The following KRAS variants were observed in gnomAD, a reference collection of about 807,000 sequenced individuals.
KRAS encodes the protein KRas proto-oncogene, GTPase, also known as GTPase KRas.
KRAS carries 1 observed loss-of-function variant against 21.0 expected under a neutral mutation model. That is an observed-to-expected ratio of 0.05 (90% CI 0.02 to 0.23). KRAS has a LOEUF of 0.23. KRAS is among the 10% of genes least tolerant of loss of function. The pLI is 1.00. For missense variants in KRAS, 107 were observed against 221.8 expected (o/e 0.48, Z 3.29); for synonymous variants, 67 against 72.5 (o/e 0.92, Z 0.39).
chr12:25,243,002 T>A (rs1056526829), intron 2 of KRAS, among the ~76,000 whole-genome samples: 1 of 152,148 alleles, frequency 6.6e-6, no homozygotes, highest in Non-Finnish European at 1.5e-5. Context: ...TTTTAAAAAA[T>A]TTATTTCCAT....
In KRAS at chr12:25,223,434, T is replaced by C. The variant is rs554257893; in HGVS notation, c.450+2180A>G. 1.7e-4 allele frequency among the ~76,000 whole-genome samples: 26 copies of C among 152,318 alleles called. No individual in the cohort carries two copies. In the East Asian group the frequency reaches 4.0e-3, roughly 24 times the overall value. On this transcript the variant is annotated intron_variant, in intron 4 of 4. Transcript: ENST00000311936. ...GAAAAACAAAAACCAAGCCTCTTCC[T>C]GGTCTTTGGAACCTGGAAATGGATT...
At chr12:25,227,855 C>T (rs1467645087) in intron 2 of KRAS, among the ~76,000 whole-genome samples, 2 of 151,962 alleles carry the variant, frequency 1.3e-5, no homozygotes, top group African/African-American at 4.8e-5. Context: ...AGGTATATAA[C>T]CAAAATAACT....
At chr12:25,245,504 A>G (rs1025570055) in intron 1 of KRAS, 109 bp from the exon 2 acceptor site, 18 of 1,112,600 alleles carry the variant, frequency 1.6e-5, no homozygotes, top group South Asian at 4.3e-5. Flanking sequence ...TCACCTTTAT[A>G]TGAAAAATTA....
At chr12:25,232,133 T>C (rs528676346) in intron 2 of KRAS, among the ~76,000 whole-genome samples, 2 of 152,306 alleles carry the variant, frequency 1.3e-5, no homozygotes, top group South Asian at 4.1e-4. Flanking sequence ...AAACGCATGT[T>C]GTTCAAGGGT....
chr12:25,231,155 G>A (rs1395965670), intron 2 of KRAS, among the ~76,000 whole-genome samples: 1 of 138,488 alleles, frequency 7.2e-6, no homozygotes, highest in East Asian at 2.2e-4. Flanking sequence ...AGGCTGGAGG[G>A]CAGTGACACG....
At chr12:25,223,144 AT>A (rs1164013492) in intron 4 of KRAS, among the ~76,000 whole-genome samples, 4 of 152,084 alleles carry the variant, frequency 2.6e-5, no homozygotes, top group Non-Finnish European at 2.9e-5. Flanking sequence ...AGTCTCTTAA[AT>A]TTTTTCTTTT....
At chr12:25,247,085 T>C (rs1951693815) in intron 1 of KRAS, among the ~76,000 whole-genome samples, 1 of 152,202 alleles carries the variant, frequency 6.6e-6, no homozygotes, top group Non-Finnish European at 1.5e-5. Context: ...GTTTCAAATT[T>C]TTTGAAATAA....
intron 4 of KRAS, among the ~76,000 whole-genome samples, chr12:25,212,035 T>C (rs1951204914): frequency 6.6e-6 from 1 of 152,214 alleles, no homozygotes; most frequent in African/African-American, 2.4e-5. Context: ...CTAAACTCTT[T>C]AACACATATA....
At chr12:25,222,178 T>C (rs1212607961) in intron 4 of KRAS, among the ~76,000 whole-genome samples, 1 of 146,200 alleles carries the variant, frequency 6.8e-6, no homozygotes, top group Non-Finnish European at 1.5e-5. Flanking sequence ...GAAAGAAAAA[T>C]AAATAAATAA....
intron 4 of KRAS, among the ~76,000 whole-genome samples, chr12:25,223,485 G>C (rs1346020690): frequency 6.6e-6 from 1 of 152,136 alleles, no homozygotes; most frequent in Non-Finnish European, 1.5e-5. Flanking sequence ...TTCCTCTAAA[G>C]TAAAGTGATA....
At chr12:25,223,166 T>G (rs1010494252) in intron 4 of KRAS, among the ~76,000 whole-genome samples, 18 of 152,172 alleles carry the variant, frequency 1.2e-4, no homozygotes, top group Non-Finnish European at 2.1e-4. Flanking sequence ...CTTTGTGAAA[T>G]GTAAGCTAAA....
rs1951153153 is a variant in KRAS at position 25,207,635 on chromosome 12, G to A, written c.*2160C>T. 4.3e-6 allele frequency: 1 copy of A among 231,664 alleles called. No individual in the cohort carries two copies. Among genetic ancestry groups the A allele is most frequent in the Non-Finnish European group, 8.5e-6 (1 of 117,100 alleles). 14.4% of individuals were successfully genotyped at this position (231,664 alleles called of 1,614,324 possible). On this transcript the variant is annotated 3_prime_UTR_variant, in exon 5 of 5. Transcript: ENST00000311936. ...GTAGTCCTAGTTATAGATTACCTAAGGAATTCTTTCAGCACTATCTTTATT... is the reference window on the plus strand; with the variant it reads ...GTAGTCCTAGTTATAGATTACCTAAAGAATTCTTTCAGCACTATCTTTATT...
chr12:25,226,071 A>G (rs1310305790), intron 3 of KRAS, among the ~76,000 whole-genome samples: 2 of 152,168 alleles, frequency 1.3e-5, no homozygotes, highest in Non-Finnish European at 2.9e-5. Flanking sequence ...AAAATTCTAG[A>G]CCCAAAGTGC....
At position 25,209,834 on chromosome 12, in the gene KRAS, CTTT is replaced by C. The variant is rs1242115503; in HGVS notation, c.525_527del (p.Lys180del). 4 of 1,609,998 alleles carry C rather than the reference CTTT, an allele frequency of 2.5e-6. No homozygotes were observed. Among genetic ancestry groups the C allele is most frequent in the African/African-American group, 1.3e-5 (1 of 74,766 alleles). ...ACTTTGTCTTTGACTTCTTTTTCTT[CTTT>C]TTACCATCTTTGCTCATCTTTTCTT... On this transcript the variant is annotated inframe_deletion, in exon 5 of 5. Transcript: ENST00000311936.
chr12:25,229,256 G>A lies in KRAS; in HGVS notation c.112-1844C>T, dbSNP rs368128031. Among the ~76,000 whole-genome samples, 8 of 152,256 alleles carry A rather than the reference G, an allele frequency of 5.3e-5. No individual in the cohort carries two copies. In the East Asian group the frequency reaches 1.2e-3, roughly 22 times the overall value. On this transcript the variant is annotated intron_variant, in intron 2 of 4. Coordinates refer to ENST00000311936, the MANE Select transcript of KRAS (RefSeq NM_004985.5). Reference sequence around the variant, plus strand: ...TAGCTCTACCAACTCTATTATTCAAGATGATTTAAATGACAAGAAAAATCA... The same window carrying A: ...TAGCTCTACCAACTCTATTATTCAAAATGATTTAAATGACAAGAAAAATCA...
chr12:25,227,219 T>G lies in KRAS; in HGVS notation c.290+15A>C, dbSNP rs752534661. On this transcript the variant is annotated intron_variant, in intron 3 of 4. Transcript: ENST00000311936. ...ACTCCTTAATGTCAGCTTATTATAT[T>G]CAATTTAAACCCACCTATAATGGTG... The G allele has an allele frequency of 6.3e-7, 1 of 1,588,666 alleles. No individual in the cohort carries two copies. The highest frequency in any genetic ancestry group is 8.6e-7 in the Non-Finnish European group (1 of 1,157,456).
chr12:25,220,641 C>A (rs745385073), intron 4 of KRAS, among the ~76,000 whole-genome samples: 34 of 151,324 alleles, frequency 2.2e-4, no homozygotes, highest in Non-Finnish European at 2.4e-4. Context: ...GCAGGAAAAT[C>A]GCTTGAATCC....
At chr12:25,241,218 G>T (rs1951605845) in intron 2 of KRAS, among the ~76,000 whole-genome samples, 1 of 152,084 alleles carries the variant, frequency 6.6e-6, no homozygotes. Context: ...ATTAATATTA[G>T]CAGAGAGCAA....
At chr12:25,217,366 A>G (rs568515138) in intron 4 of KRAS, among the ~76,000 whole-genome samples, 1 of 152,298 alleles carries the variant, frequency 6.6e-6, no homozygotes, top group African/African-American at 2.4e-5. Context: ...CTAAAGTCAA[A>G]CTTTAATTTA....
Sources: gnomAD v4.1 joint callset for allele counts (sites outside exome capture counted in the v4.1 genomes callset) on GRCh38, gnomAD v4.1.1 for gene constraint, MANE v1.5 for transcripts, NCBI Gene and HGNC (gene_info 2026-07-23, HGNC 2026-07-21) for gene names.